FNBP4: variants seen among roughly 807,000 people sequenced by gnomAD.
The protein encoded by FNBP4 is formin binding protein 4.
A neutral mutation model predicts 119.3 loss-of-function variants in FNBP4; 34 were observed. The ratio of observed to expected loss-of-function variants is 0.28; its 90% CI spans 0.22 to 0.38. The LOEUF is 0.38. Ranked by LOEUF, FNBP4 falls within the 10% of genes least tolerant of loss-of-function variation. The probability of loss-of-function intolerance (pLI) is 1.00; values close to 1 mark genes in which losing one functional copy is unlikely to be tolerated. For synonymous variants in FNBP4, 462 were observed against 430.6 expected, an observed-to-expected ratio of 1.07 and a Z score of -0.90; for missense variants, 1,112 against 1,228.9, an observed-to-expected ratio of 0.90 and a Z score of 1.42.
rs1246863984 is a variant in FNBP4 at position 47,717,282 on chromosome 11, T to C, written c.*140A>G. ...TTACATTTCACAAAAGTGAAAACTT[T>C]GTATGCATACACTCTTGCCCAGGAA... On this transcript the variant is annotated 3_prime_UTR_variant, in exon 17 of 17. Coordinates refer to ENST00000263773, the MANE Select transcript of FNBP4 (RefSeq NM_015308.5). The C allele has an allele frequency of 6.7e-6, 4 of 595,458 alleles. No individual in the cohort carries two copies. In the Admixed American group the frequency reaches 9.4e-5, roughly 14 times the overall value. The allele number at this position is 595,458 out of a possible 1,614,324, so 36.9% of individuals were successfully genotyped here.
rs1055834170 is a variant in FNBP4 at position 47,729,972 on chromosome 11, A to C, written c.2008+1402T>G. ...ACTACAACTAGTTCTGTTTTAATTA[A>C]ATAGGAATGGCTCAAGAGCCTCCTT... On this transcript the variant is annotated intron_variant, in intron 12 of 16. Transcript: ENST00000263773. 18 of 985,330 alleles carry C rather than the reference A, an allele frequency of 1.8e-5. No individual in the cohort carries two copies. In the Admixed American group the frequency reaches 3.7e-4, roughly 20 times the overall value. 61.0% of individuals were successfully genotyped at this position (985,330 alleles called of 1,614,324 possible). A position where few individuals can be genotyped will look rare whatever the true frequency, so the allele number is the denominator to read the frequency against.
At position 47,744,266 on chromosome 11, in the gene FNBP4, G is replaced by A. The variant is rs2097586232; in HGVS notation, c.1246-103C>T. 6 of 1,134,508 alleles carry A rather than the reference G, an allele frequency of 5.3e-6. No individual in the cohort carries two copies. In the Admixed American group the frequency reaches 9.8e-5, roughly 19 times the overall value. 70.3% of individuals were successfully genotyped at this position (1,134,508 alleles called of 1,614,324 possible). ...TGTTGTTGAAATTTAAATTCTTTGA[G>A]AACAGAAAGCACTTTTTTTTTTTTG... On this transcript the variant is annotated intron_variant, in intron 7 of 16. Coordinates refer to ENST00000263773, the MANE Select transcript of FNBP4 (RefSeq NM_015308.5).
chr11:47,752,263 A>C (rs2097605520), intron 4 of FNBP4, among the ~76,000 whole-genome samples: 1 of 150,702 alleles, frequency 6.6e-6, no homozygotes, highest in Non-Finnish European at 1.5e-5. Flanking sequence ...ATCTCTACTA[A>C]AAATACAAAA....
chr11:47,722,076 G>GATGT (rs1429493996), intron 15 of FNBP4, among the ~76,000 whole-genome samples: 21 of 112,284 alleles, frequency 1.9e-4, no homozygotes, highest in African/African-American at 6.1e-4. Context: ...ATTTCTCATA[G>GATGT]ATTTATTTTT....
intron 12 of FNBP4, chr11:47,729,557 T>C (rs2097565114): frequency 1.0e-6 from 1 of 969,770 alleles, no homozygotes; most frequent in Non-Finnish European, 1.2e-6. Flanking sequence ...TCGCTCAGGC[T>C]GGAGTGCAGT....
Position 47,732,481 on chromosome 11 carries a change from C to T in FNBP4, c.1820+56G>A. ...TCATGTCGTCAGATGGTGGTGATCACAAATCATGTCTGAGATGTCAAAGGT... is the reference window on the plus strand; with the variant it reads ...TCATGTCGTCAGATGGTGGTGATCATAAATCATGTCTGAGATGTCAAAGGT... On this transcript the variant is annotated intron_variant, in intron 11 of 16. Coordinates refer to ENST00000263773, the MANE Select transcript of FNBP4 (RefSeq NM_015308.5). The surrounding 1 kb of genome is among the most constrained non-coding windows in gnomAD (Gnocchi z 4.2). 1.9e-6 allele frequency: 3 copies of T among 1,609,416 alleles called. No homozygotes were observed. The highest frequency in any genetic ancestry group is 2.5e-6 in the Non-Finnish European group (3 of 1,176,666).
chr11:47,750,775 C>A, intron 6 of FNBP4, 141 bp downstream of exon 6: 1 of 748,802 alleles, frequency 1.3e-6, no homozygotes, highest in Non-Finnish European at 2.0e-6. Context: ...ACATAATACA[C>A]AGAAACAAAG....
chr11:47,718,748 T>C (rs2097552194), intron 16 of FNBP4, among the ~76,000 whole-genome samples: 1 of 152,200 alleles, frequency 6.6e-6, no homozygotes, highest in Admixed American at 6.6e-5. Flanking sequence ...CATTTCAGAA[T>C]GTATACCTTC....
In FNBP4 at chr11:47,746,348, T is replaced by C. The variant is rs1189181497; in HGVS notation, c.953A>G (p.Lys318Arg). 6.2e-7 allele frequency: 1 copy of C among 1,613,534 alleles called. No homozygotes were observed. Among genetic ancestry groups the C allele is most frequent in the African/African-American group, 1.3e-5 (1 of 74,958 alleles). The change falls in exon 7 of 17, where the codon AAG becomes AGG. Residue 318 changes from lysine to arginine, a missense_variant. Physicochemically the swap from Lys to Arg is conservative, Grantham distance 26. Around this residue, in one of 2 missense-constraint regions of FNBP4, gnomAD observed 826 missense variants for 988.8 expected, o/e 0.84. Transcript: ENST00000263773. ...AAGCAGCGATGCTGCCACCCCTTTC[T>C]TCTCCTCCTCACTATTTGAGAGAGC... ...IQALSNSEEE[K>R]KGVAASLLAP...
At chr11:47,754,477 G>C (rs201317971) in intron 3 of FNBP4, 51 bp downstream of exon 3, 42 of 1,591,944 alleles carry the variant, frequency 2.6e-5, no homozygotes, top group Non-Finnish European at 3.3e-5. Context: ...TTAAGATCCA[G>C]GTCCCAAAGT....
chr11:47,718,905 G>GTTTTTTTTTTT (rs35422529), intron 16 of FNBP4, among the ~76,000 whole-genome samples: 2 of 130,358 alleles, frequency 1.5e-5, no homozygotes, highest in South Asian at 2.5e-4. Flanking sequence ...CACCCAACAT[G>GTTTTTTTTTTT]TTTTTTTTTT....
chr11:47,734,002 A>C (rs1332895292), intron 10 of FNBP4, 23 bp downstream of exon 10: 1 of 470,350 alleles, frequency 2.1e-6, no homozygotes, highest in Non-Finnish European at 3.0e-6. Flanking sequence ...GTTTATGCCA[A>C]AAAAAAAAAA....
At chr11:47,765,784 C>A (rs1296568654) in intron 1 of FNBP4, among the ~76,000 whole-genome samples, 1 of 145,670 alleles carries the variant, frequency 6.9e-6, no homozygotes, top group Admixed American at 6.9e-5. Flanking sequence ...AAGACTCCAT[C>A]TCAAAAAAAA....
Position 47,743,954 on chromosome 11 carries a change from A to G in FNBP4, c.1455T>C (p.Thr485=). 1 of 1,613,584 alleles carries G rather than the reference A, an allele frequency of 6.2e-7. No individual in the cohort carries two copies. Among genetic ancestry groups the G allele is most frequent in the South Asian group, 1.1e-5 (1 of 91,062 alleles). Residue 485 remains threonine (T), a splice_region_variant and synonymous_variant, in exon 8 of 17, where the codon ACT becomes ACC. Transcript: ENST00000263773. The part of the protein sequence containing the change: ...TGRDTPENGE[T]AIGAENSEKI... Reference sequence around the variant, plus strand: ...AGTTTAATGTGAAGCACAAATTACCAGTTTCTCCATTTTCTGGAGTATCTC... The same window carrying G: ...AGTTTAATGTGAAGCACAAATTACCGGTTTCTCCATTTTCTGGAGTATCTC...
chr11:47,720,693 T>C (rs1156441697), intron 15 of FNBP4, among the ~76,000 whole-genome samples: 1 of 151,762 alleles, frequency 6.6e-6, no homozygotes, highest in Non-Finnish European at 1.5e-5. Context: ...AAATATTGCC[T>C]TTATCGCGTC....
intron 8 of FNBP4, among the ~76,000 whole-genome samples, chr11:47,737,030 C>T (rs1599192315): frequency 6.6e-6 from 1 of 151,966 alleles, no homozygotes; most frequent in Non-Finnish European, 1.5e-5. Flanking sequence ...ACAGTAGAAC[C>T]GTCTCTACTA....
Position 47,732,292 on chromosome 11 carries a change from G to A in FNBP4, c.1820+245C>T, listed in dbSNP as rs2097568327. 7.3e-7 allele frequency: 1 copy of A among 1,361,692 alleles called. No individual in the cohort carries two copies. Among genetic ancestry groups the A allele is most frequent in the Non-Finnish European group, 9.5e-7 (1 of 1,055,558 alleles). The allele number at this position is 1,361,692 out of a possible 1,614,324, so 84.4% of individuals were successfully genotyped here. A position where few individuals can be genotyped will look rare whatever the true frequency, so the allele number is the denominator to read the frequency against. On this transcript the variant is annotated intron_variant, in intron 11 of 16. Transcript: ENST00000263773. This position sits in a 1 kb window ranked among gnomAD's most constrained non-coding sequence, Gnocchi z 4.2. Reference sequence around the variant, plus strand: ...CCTACTCCGTGCAACACTCTGGAGAGTAAAAACCAGCTTTGTCCATATCTT... The same window carrying A: ...CCTACTCCGTGCAACACTCTGGAGAATAAAAACCAGCTTTGTCCATATCTT...
At chr11:47,733,028 G>C (rs2097569283) in intron 10 of FNBP4, among the ~76,000 whole-genome samples, 1 of 152,194 alleles carries the variant, frequency 6.6e-6, no homozygotes, top group Non-Finnish European at 1.5e-5. Flanking sequence ...TGAGGCAGGA[G>C]AATCAACTGA....
chr11:47,734,989 C>A (rs1975856), intron 9 of FNBP4, among the ~76,000 whole-genome samples: 92,292 of 119,998 alleles, frequency 0.77, 36,268 homozygotes, highest in East Asian at 0.95. Context: ...CCCCCCCCCC[C>A]AAAAAAAAAG....
Sources: gnomAD v4.1 joint callset for allele counts (sites outside exome capture counted in the v4.1 genomes callset) on GRCh38, gnomAD v4.1.1 for gene constraint, gnomAD v4.1.1 regional missense constraint, Gnocchi (gnomAD v3.1) non-coding constraint, MANE v1.5 for transcripts, NCBI Gene and HGNC (gene_info 2026-07-23, HGNC 2026-07-21) for gene names.